Variants in RGPD4 observed in about 807,000 individuals in gnomAD.
RGPD4 encodes RANBP2 like and GRIP domain containing 4.
In RGPD4, 84 loss-of-function variants were observed where a neutral mutation model predicts 141.1. The ratio of observed to expected loss-of-function variants is 0.60; its 90% confidence interval spans 0.50 to 0.71. The LOEUF is 0.71. Ranked by LOEUF, RGPD4 falls within the 30% of genes least tolerant of loss-of-function variation. RGPD4 has a pLI of 0.00. For missense variants in RGPD4, 918 were observed against 1,622.4 expected (o/e 0.57, Z 7.46); for synonymous variants, 298 against 566.8 (o/e 0.53, Z 6.74).
chr2:107,851,580 C>T (rs2104437577), intron 7 of RGPD4, among the ~76,000 whole-genome samples: 1 of 15,298 alleles, frequency 6.5e-5, no homozygotes, highest in South Asian at 1.7e-3. Context: ...AATATTGTGC[C>T]TCAATGTGGG....
intron 22 of RGPD4, among the ~76,000 whole-genome samples, chr2:107,884,391 C>A (rs1205637839): frequency 2.0e-5 from 3 of 152,110 alleles, no homozygotes; most frequent in African/African-American, 4.8e-5. Context: ...TGAGACACCA[C>A]GCCCGGCCAT....
chr2:107,873,689 TG>T (rs1432702206), intron 20 of RGPD4, among the ~76,000 whole-genome samples: 2 of 151,766 alleles, frequency 1.3e-5, no homozygotes, highest in Admixed American at 1.3e-4. Flanking sequence ...CAGGGATAAA[TG>T]AATATGTAAG....
rs1224014728 is a variant in RGPD4 at position 107,891,822 on chromosome 2, G to C, written c.*1091G>C. On this transcript the variant is annotated 3_prime_UTR_variant, in exon 23 of 23. Coordinates refer to ENST00000408999, the MANE Select transcript of RGPD4 (RefSeq NM_182588.3). ...GTTTTTGGCAGATAGTGTTCCATAA[G>C]CTTTCCATCAGAAGGGATTTTAGAC... Among the ~76,000 whole-genome samples, 34 of 130,936 alleles carry C rather than the reference G, an allele frequency of 2.6e-4. No homozygotes were observed. Among genetic ancestry groups the C allele is most frequent in the East Asian group, 7.9e-4 (4 of 5,068 alleles). 85.9% of individuals were successfully genotyped at this position (130,936 alleles called of 152,430 possible).
chr2:107,828,629 C>A (rs1198316536), intron 1 of RGPD4, among the ~76,000 whole-genome samples: 2,161 of 24,116 alleles, frequency 0.09, 68 homozygotes, highest in Non-Finnish European at 0.11. Context: ...CCTGGCCCGG[C>A]GGCGGCCTCG....
rs538175022 is a variant in RGPD4 at position 107,886,594 on chromosome 2, C to A, written c.5266+3721C>A. Among the ~76,000 whole-genome samples, 555 of 151,366 alleles carry A rather than the reference C, an allele frequency of 3.7e-3. 6 individuals are homozygous for A. Among genetic ancestry groups the A allele is most frequent in the African/African-American group, 0.013 (533 of 41,114 alleles). ...TTCCTAGGTAAAAGGTCTAAGATGC[C>A]AGAAAGAAAGACATGCAAAGGAAAC... On this transcript the variant is annotated intron_variant, in intron 22 of 22. Coordinates refer to ENST00000408999, the MANE Select transcript of RGPD4 (RefSeq NM_182588.3).
At chr2:107,865,341 T>G (rs1389390654) in intron 17 of RGPD4, among the ~76,000 whole-genome samples, 2 of 152,050 alleles carry the variant, frequency 1.3e-5, no homozygotes, top group African/African-American at 4.8e-5. Context: ...TGGTGGAGCA[T>G]TTGAACATCA....
intron 17 of RGPD4, among the ~76,000 whole-genome samples, chr2:107,863,683 G>A (rs1451082281): frequency 2.6e-5 from 4 of 151,756 alleles, no homozygotes; most frequent in Admixed American, 2.6e-4. Flanking sequence ...AGTAGACACA[G>A]AGTTTCACCA....
rs1428171762 is a variant in RGPD4, at chr2:107,827,010, C to A, written c.-4C>A. On this transcript the variant is annotated 5_prime_UTR_variant, in exon 1 of 23. Coordinates refer to ENST00000408999, the MANE Select transcript of RGPD4 (RefSeq NM_182588.3). ...CGCGTCTCGGGAGCCAGGTTGGTGG[C>A]GCGATGAGTTGCAGCAAGGCCTACG... The A allele has an allele frequency of 1.3e-6, 2 of 1,597,424 alleles. No individual in the cohort carries two copies. The highest frequency in any genetic ancestry group is 1.1e-5 in the South Asian group (1 of 87,898).
At chr2:107,885,957 G>T (rs1007647710) in intron 22 of RGPD4, among the ~76,000 whole-genome samples, 22 of 151,708 alleles carry the variant, frequency 1.5e-4, no homozygotes, top group Admixed American at 1.4e-3. Context: ...GGAGGCTGAG[G>T]TAGGAGAACT....
chr2:107,855,537 C>T (rs1000453093), intron 8 of RGPD4, among the ~76,000 whole-genome samples: 1 of 151,872 alleles, frequency 6.6e-6, no homozygotes, highest in Non-Finnish European at 1.5e-5. Context: ...ATCTGGGCAT[C>T]CCGAGGGTGC....
In RGPD4 at chr2:107,872,747, C is replaced by G; in HGVS notation, c.4743C>G (p.Asn1581Lys). Residue 1581 changes from asparagine to lysine, a missense_variant, in exon 20 of 23, where the codon AAC becomes AAG. By Grantham distance (94) the Asn-to-Lys change is moderately conservative (BLOSUM62 0). Coordinates refer to ENST00000408999, the MANE Select transcript of RGPD4 (RefSeq NM_182588.3). ...GFSFNASLKS[N>K]NSETSSVAQS... ...GTTTTAATGCATCTTTGAAAAGTAA[C>G]AACAGTGAAACTAGTTCAGTAGCCC... is the stretch of plus-strand genomic sequence containing the variant. 6.2e-7 allele frequency: 1 copy of G among 1,611,598 alleles called. No individual in the cohort carries two copies. Among genetic ancestry groups the G allele is most frequent in the Non-Finnish European group, 8.5e-7 (1 of 1,179,862 alleles).
At chr2:107,831,658 C>T (rs1432317311) in intron 1 of RGPD4, among the ~76,000 whole-genome samples, 1 of 125,094 alleles carries the variant, frequency 8.0e-6, no homozygotes, top group Admixed American at 8.4e-5. Context: ...TCACTGCAAA[C>T]TCTGCCTCCC....
intron 12 of RGPD4, among the ~76,000 whole-genome samples, chr2:107,860,134 C>A (rs1474557335): frequency 4.3e-5 from 2 of 46,118 alleles, no homozygotes; most frequent in Admixed American, 3.3e-4. Flanking sequence ...TAGCACAAGG[C>A]TTTGTAGGTA....
chr2:107,890,498 C>T (rs927242268), intron 22 of RGPD4, among the ~76,000 whole-genome samples: 1 of 124,814 alleles, frequency 8.0e-6, no homozygotes, highest in Non-Finnish European at 1.6e-5. Flanking sequence ...GCACTGAAGT[C>T]TCATCACGCC....
chr2:107,859,642 G>A (rs999180567), intron 11 of RGPD4, 80 bp from the exon 12 acceptor site: 26 of 1,611,196 alleles, frequency 1.6e-5, no homozygotes, highest in Non-Finnish European at 2.1e-5. Context: ...AATTTGTCAT[G>A]TGACCCATTA....
chr2:107,882,048 AG>A (rs1675382097), intron 21 of RGPD4, among the ~76,000 whole-genome samples: 1 of 151,946 alleles, frequency 6.6e-6, no homozygotes, highest in Non-Finnish European at 1.5e-5. Context: ...AGTAGAAGGC[AG>A]AGGGAACATC....
chr2:107,885,575 C>A (rs1394755883), intron 22 of RGPD4, among the ~76,000 whole-genome samples: 1 of 152,120 alleles, frequency 6.6e-6, no homozygotes, highest in Non-Finnish European at 1.5e-5. Context: ...AAACCCAGAA[C>A]TCTAAGATGT....
rs1012132397 is a variant in RGPD4, at chr2:107,851,300, C to G, written c.978+2764C>G. On this transcript the variant is annotated intron_variant, in intron 7 of 22. Coordinates refer to ENST00000408999, the MANE Select transcript of RGPD4 (RefSeq NM_182588.3). Reference sequence around the variant, plus strand: ...TACATTGTTAAATTTTTTGTAAAGACAAGGTCTTGCTATGTTTCCCAGGCT... The same window carrying G: ...TACATTGTTAAATTTTTTGTAAAGAGAAGGTCTTGCTATGTTTCCCAGGCT... Among the ~76,000 whole-genome samples, 7 of 78,898 alleles carry G rather than the reference C, an allele frequency of 8.9e-5. 1 individual carries two copies. Among genetic ancestry groups the G allele is most frequent in the Admixed American group, 5.8e-4 (5 of 8,640 alleles). The allele number at this position is 78,898 out of a possible 152,430, so 51.8% of individuals were successfully genotyped here. A position where few individuals can be genotyped will look rare whatever the true frequency, so the allele number is the denominator to read the frequency against.
chr2:107,866,882 G>A (rs1036106936), intron 18 of RGPD4, among the ~76,000 whole-genome samples: 22 of 148,700 alleles, frequency 1.5e-4, no homozygotes, highest in Admixed American at 4.0e-4. Context: ...ATGAGCATTT[G>A]TGTATGTGCA....
Sources: gnomAD v4.1 joint callset for allele counts (sites outside exome capture counted in the v4.1 genomes callset) on GRCh38, gnomAD v4.1.1 for gene constraint, MANE v1.5 for transcripts, NCBI Gene and HGNC (gene_info 2026-07-23, HGNC 2026-07-21) for gene names.